ARHGAP35: variants seen among roughly 807,000 people sequenced by gnomAD.
ARHGAP35 encodes the protein rho GTPase-activating protein 35.
Under a neutral mutation model 111.1 loss-of-function variants are expected in ARHGAP35, and 15 were observed. The observed-to-expected ratio is 0.13, with a 90% CI of 0.09 to 0.21. ARHGAP35 has a LOEUF of 0.21. ARHGAP35 is among the 10% of genes least tolerant of loss of function. ARHGAP35 has a pLI of 1.00. For synonymous variants in ARHGAP35, 643 were observed against 710.3 expected (o/e 0.91, Z 1.51); for missense variants, 1,262 against 1,873.0 (o/e 0.67, Z 6.02).
At chr19:46,987,845 A>T in intron 3 of ARHGAP35, 144 bp from the exon 4 acceptor site, 1 of 659,714 alleles carries the variant, frequency 1.5e-6, no homozygotes, top group Non-Finnish European at 2.6e-6. Flanking sequence ...AGAAAAATCA[A>T]ACGAGAGTGT....
chr19:46,999,433 G>A lies in ARHGAP35; in HGVS notation c.4142+24G>A, dbSNP rs1216039541. ...AAGTAAGTCGCAGGGCCTTCTGGTTGGTTTTTCCTCCTGAAAATTGACAGC... is the reference window on the plus strand; with the variant it reads ...AAGTAAGTCGCAGGGCCTTCTGGTTAGTTTTTCCTCCTGAAAATTGACAGC... On this transcript the variant is annotated intron_variant, in intron 6 of 6. Transcript: ENST00000672722. This position sits in a 1 kb window ranked among gnomAD's most constrained non-coding sequence, Gnocchi z 5.4. 1.3e-6 allele frequency: 2 copies of A among 1,487,828 alleles called. No homozygotes were observed. The highest frequency in any genetic ancestry group is 1.8e-6 in the Non-Finnish European group (2 of 1,087,638). The allele number at this position is 1,487,828 out of a possible 1,614,324, so 92.2% of individuals were successfully genotyped here.
intron 1 of ARHGAP35, among the ~76,000 whole-genome samples, chr19:46,871,240 G>A (rs1157752611): frequency 6.6e-6 from 1 of 152,222 alleles, no homozygotes; most frequent in Non-Finnish European, 1.5e-5. Flanking sequence ...TAAAAGAAAA[G>A]AGATAGTGGT....
At position 46,992,134 on chromosome 19, in the gene ARHGAP35, G is replaced by A. The variant is rs965823217; in HGVS notation, c.4036+2459G>A. On this transcript the variant is annotated intron_variant, in intron 5 of 6. Coordinates refer to ENST00000672722, the MANE Select transcript of ARHGAP35 (RefSeq NM_004491.5). The surrounding 1 kb of genome is among the most constrained non-coding windows in gnomAD (Gnocchi z 4.4). ...GCAGCAACCGCACCGCCCATGGCCT[G>A]TGTGCCTGCCTAGGCTGGGCCCGGC... Among the ~76,000 whole-genome samples, 7 of 152,250 alleles carry A rather than the reference G, an allele frequency of 4.6e-5. 1 individual carries two copies. Among genetic ancestry groups the A allele is most frequent in the South Asian group, 4.1e-4 (2 of 4,838 alleles).
intron 1 of ARHGAP35, among the ~76,000 whole-genome samples, chr19:46,888,042 C>G (rs1437296316): frequency 6.7e-6 from 1 of 150,106 alleles, no homozygotes; most frequent in Non-Finnish European, 1.5e-5. Context: ...AGCTCCGCCT[C>G]CTGGGTTCAT....
At position 46,930,249 on chromosome 19, in the gene ARHGAP35, G is replaced by T. The variant is rs137966138; in HGVS notation, c.3682-7015G>T. Among the ~76,000 whole-genome samples the T allele has an allele frequency of 9.4e-3, 1,430 of 151,574 alleles. 49 individuals are homozygous for T. The highest frequency in any genetic ancestry group is 0.072 in the East Asian group (363 of 5,066). ...TGGCACACACCTGTAGTCCCAGCTA[G>T]TTGGGAGGCTGAGATGGGAGAATCA... On this transcript the variant is annotated intron_variant, in intron 2 of 6. Coordinates refer to ENST00000672722, the MANE Select transcript of ARHGAP35 (RefSeq NM_004491.5).
At chr19:46,995,985 G>C (rs2056705324) in intron 5 of ARHGAP35, among the ~76,000 whole-genome samples, 1 of 152,232 alleles carries the variant, frequency 6.6e-6, no homozygotes, top group African/African-American at 2.4e-5. Flanking sequence ...GGAGCACCTG[G>C]ACCAGGCAGC....
intron 3 of ARHGAP35, among the ~76,000 whole-genome samples, chr19:46,959,334 T>G (rs1335532296): frequency 6.7e-6 from 1 of 149,980 alleles, no homozygotes; most frequent in East Asian, 2.0e-4. Flanking sequence ...GGATTACAGG[T>G]GTGAGCCACC....
chr19:46,895,551 C>G (rs901858783), intron 1 of ARHGAP35, among the ~76,000 whole-genome samples: 2 of 152,192 alleles, frequency 1.3e-5, no homozygotes, highest in African/African-American at 4.8e-5. Context: ...ATTTAATGCT[C>G]AGGCAAGTAA....
At chr19:46,900,876 CT>C (rs1472627113) in intron 1 of ARHGAP35, among the ~76,000 whole-genome samples, 4 of 152,232 alleles carry the variant, frequency 2.6e-5, no homozygotes, top group Non-Finnish European at 4.4e-5. Flanking sequence ...TCCCTCATGG[CT>C]GCTCCCACGC....
At chr19:46,889,239 G>A (rs1234321275) in intron 1 of ARHGAP35, among the ~76,000 whole-genome samples, 2 of 152,186 alleles carry the variant, frequency 1.3e-5, no homozygotes, top group African/African-American at 4.8e-5. Flanking sequence ...GCTGAGGTGG[G>A]CAGTTCACGA....
chr19:46,985,250 A>T lies in ARHGAP35; in HGVS notation c.3827-2739A>T, dbSNP rs182865816. Among the ~76,000 whole-genome samples the T allele has an allele frequency of 1.3e-3, 192 of 152,332 alleles. 4 individuals carry two copies. The highest frequency in any genetic ancestry group is 8.3e-4 in the South Asian group (4 of 4,832). On this transcript the variant is annotated intron_variant, in intron 3 of 6. Transcript: ENST00000672722. Reference sequence around the variant, plus strand: ...AGAGTCAGTGGAAAAATTACTAACTAGTGCTGGTGAGCAGGGTCTCGACAG... The same window carrying T: ...AGAGTCAGTGGAAAAATTACTAACTTGTGCTGGTGAGCAGGGTCTCGACAG...
intron 3 of ARHGAP35, among the ~76,000 whole-genome samples, chr19:46,965,190 G>A (rs972031635): frequency 2.6e-5 from 4 of 152,182 alleles, no homozygotes; most frequent in Non-Finnish European, 5.9e-5. Flanking sequence ...ACAGGTGCCT[G>A]TAATCCCAGC....
rs201300853 is a variant in ARHGAP35 at position 46,981,686 on chromosome 19, C to T, written c.3827-6303C>T. 8.5e-5 allele frequency among the ~76,000 whole-genome samples: 13 copies of T among 152,280 alleles called. No individual in the cohort carries two copies. In the East Asian group the frequency reaches 2.5e-3, roughly 29 times the overall value. Reference sequence around the variant, plus strand: ...AGTGTCCGTCCTGCCACAGACACCTCCCAGGAGCAGGGCCAGCCACCACAG... The same window carrying T: ...AGTGTCCGTCCTGCCACAGACACCTTCCAGGAGCAGGGCCAGCCACCACAG... On this transcript the variant is annotated intron_variant, in intron 3 of 6. Transcript: ENST00000672722.
chr19:46,883,929 C>A (rs1334906971), intron 1 of ARHGAP35, among the ~76,000 whole-genome samples: 1 of 152,002 alleles, frequency 6.6e-6, no homozygotes, highest in South Asian at 2.1e-4. Context: ...GTGGCGCATA[C>A]CTGTAATCCT....
At chr19:46,916,934 G>C (rs991968276) in intron 1 of ARHGAP35, among the ~76,000 whole-genome samples, 1 of 151,510 alleles carries the variant, frequency 6.6e-6, no homozygotes, top group Non-Finnish European at 1.5e-5. Context: ...ATTTTATTTG[G>C]GAGGATTTAT....
intron 3 of ARHGAP35, among the ~76,000 whole-genome samples, chr19:46,971,148 C>T (rs1172360056): frequency 6.6e-6 from 1 of 152,128 alleles, no homozygotes; most frequent in African/African-American, 2.4e-5. Context: ...TGACTGACGC[C>T]TATAATGCCA....
rs549858359 is a variant in ARHGAP35 at position 46,905,194 on chromosome 19, G to T, written c.-188-13294G>T. 4.6e-5 allele frequency among the ~76,000 whole-genome samples: 7 copies of T among 152,268 alleles called. No homozygotes were observed. In the South Asian group the frequency reaches 1.2e-3, roughly 27 times the overall value. On this transcript the variant is annotated intron_variant, in intron 1 of 6. Coordinates refer to ENST00000672722, the MANE Select transcript of ARHGAP35 (RefSeq NM_004491.5). ...AGCATTAAATGGGTTTTTGAACCAT[G>T]AAGTTTTTTGAACTTCTTAAAAACA... is the stretch of plus-strand genomic sequence containing the variant.
At position 46,921,975 on chromosome 19, in the gene ARHGAP35, A is replaced by T; in HGVS notation, c.3300A>T (p.Glu1100Asp). 1 of 1,614,004 alleles carries T rather than the reference A, an allele frequency of 6.2e-7. No homozygotes were observed. The highest frequency in any genetic ancestry group is 8.5e-7 in the Non-Finnish European group (1 of 1,179,884). Residue 1100 changes from glutamate to aspartate, a missense_variant, in exon 2 of 7, where the codon GAA becomes GAT. Physicochemically the swap from Glu to Asp is conservative, Grantham distance 45 (BLOSUM62 2). Around this residue, in one of 8 missense-constraint regions of ARHGAP35, gnomAD observed 579 missense variants for 716.9 expected, o/e 0.81. Coordinates refer to ENST00000672722, the MANE Select transcript of ARHGAP35 (RefSeq NM_004491.5). The surrounding 1 kb of genome is among the most constrained non-coding windows in gnomAD (Gnocchi z 4.3). Reference protein sequence around the residue: ...PMDAVVKPRNEEENIYSVPHD... With the variant: ...PMDAVVKPRNDEENIYSVPHD... Reference sequence around the variant, plus strand: ...ATGCTGTGGTGAAGCCAAGGAATGAAGAAGAAAACATATACTCCGTGCCCC... The same window carrying T: ...ATGCTGTGGTGAAGCCAAGGAATGATGAAGAAAACATATACTCCGTGCCCC...
Position 46,882,064 on chromosome 19 carries a change from A to G in ARHGAP35, c.-189+20855A>G, listed in dbSNP as rs141683103. On this transcript the variant is annotated intron_variant, in intron 1 of 6. Coordinates refer to ENST00000672722, the MANE Select transcript of ARHGAP35 (RefSeq NM_004491.5). ...GAAGAGAGTTAGGGTCTTGCTCTGG[A>G]TTAGGTTTTGGTTTAAGGGAATATT... is the stretch of plus-strand genomic sequence containing the variant. Among the ~76,000 whole-genome samples, 1,459 of 151,694 alleles carry G rather than the reference A, an allele frequency of 9.6e-3. 21 individuals carry two copies. The highest frequency in any genetic ancestry group is 0.013 in the Non-Finnish European group (869 of 67,944).
Sources: allele counts gnomAD v4.1 joint callset (sites outside exome capture counted in the v4.1 genomes callset), GRCh38; gene constraint gnomAD v4.1.1; regional missense constraint gnomAD v4.1.1; non-coding constraint Gnocchi (gnomAD v3.1); transcripts MANE v1.5; gene names NCBI Gene and HGNC (gene_info 2026-07-23, HGNC 2026-07-21).